The following DHRS1 variants were observed in gnomAD, a reference collection of about 807,000 sequenced individuals.
DHRS1 encodes the protein dehydrogenase/reductase SDR family member 1.
A neutral mutation model predicts 35.2 loss-of-function variants in DHRS1; 34 were observed. The observed-to-expected ratio is 0.97, with a 90% CI of 0.74 to 1.29. The LOEUF is 1.29. Among genes scored for constraint, DHRS1 ranks in the 50% most tolerant of loss-of-function variants. DHRS1 has a pLI of 0.00. For synonymous variants in DHRS1, 133 were observed against 160.0 expected (o/e 0.83, Z 1.27); for missense variants, 354 against 403.6 (o/e 0.88, Z 1.05).
rs764337928 is a variant in DHRS1, at chr14:24,296,519, C to T, written c.364G>A (p.Val122Ile). ...PASMWDDINN[V>I]GLRGHYFCSV... ...CAGTGGAGCACCCACCTGAGTCCGA[C>T]GTTGTTGATATCATCCCACATGGAG... The change falls in exon 4 of 9, where the codon GTC becomes ATC. Residue 122 changes from valine to isoleucine, a missense_variant. Transcript: ENST00000288111. 8.1e-6 allele frequency: 13 copies of T among 1,614,024 alleles called. No individual in the cohort carries two copies. Among genetic ancestry groups the T allele is most frequent in the South Asian group, 2.2e-5 (2 of 91,076 alleles).
rs756643656 is a variant in DHRS1, at chr14:24,299,142, A to C, written c.-24-12T>G. The C allele has an allele frequency of 6.3e-7, 1 of 1,598,402 alleles. No individual in the cohort carries two copies. The highest frequency in any genetic ancestry group is 2.2e-5 in the East Asian group (1 of 44,468). ...CAAAGGAGGCAGGTCTGTGGAAGCAAAGACTTACTCTGAGGGAAGCCTGGA... is the reference window on the plus strand; with the variant it reads ...CAAAGGAGGCAGGTCTGTGGAAGCACAGACTTACTCTGAGGGAAGCCTGGA... On this transcript the variant is annotated splice_polypyrimidine_tract_variant and intron_variant, in intron 1 of 8. Transcript: ENST00000288111.
intron 4 of DHRS1, chr14:24,293,850 T>C (rs1170976020): frequency 6.6e-6 from 1 of 151,988 alleles, no homozygotes; most frequent in Admixed American, 6.6e-5. Flanking sequence ...TAAATTAAAA[T>C]GTACAAGACA....
chr14:24,298,055 T>G (rs560746370), intron 2 of DHRS1, among the ~76,000 whole-genome samples: 1 of 147,248 alleles, frequency 6.8e-6, no homozygotes, highest in Non-Finnish European at 1.5e-5. Flanking sequence ...TTAATTAAAA[T>G]TTTTTTTTTT....
chr14:24,291,501 C>T, intron 7 of DHRS1, 55 bp downstream of exon 7: 1 of 1,562,964 alleles, frequency 6.4e-7, no homozygotes, highest in East Asian at 2.2e-5. Flanking sequence ...CTGGATGCTA[C>T]CGCACTACAC....
chr14:24,292,107 GA>G, intron 6 of DHRS1, 76 bp downstream of exon 6: 1 of 1,564,618 alleles, frequency 6.4e-7, no homozygotes, highest in Non-Finnish European at 8.8e-7. Flanking sequence ...TGGTGAGTGG[GA>G]GTATCTGATC....
rs767390453 is a variant in DHRS1 at position 24,296,848 on chromosome 14, C to A, written c.184G>T (p.Val62Leu). 6 of 1,614,242 alleles carry A rather than the reference C, an allele frequency of 3.7e-6. No individual in the cohort carries two copies. The highest frequency in any genetic ancestry group is 5.1e-6 in the Non-Finnish European group (6 of 1,180,044). The stretch of plus-strand genomic sequence containing the variant: ...TCACTCTCCTGGCTTGAATCGCACA[C>A]CACAGGCACACATTGGCCCCCGAGG... ...QSLGGQCVPV[V>L]CDSSQESEVR... Residue 62 changes from valine (V) to leucine (L), a missense_variant, in exon 3 of 9, where the codon GTG becomes TTG. By Grantham distance (32) the Val-to-Leu change is conservative (BLOSUM62 1). Coordinates refer to ENST00000288111, the MANE Select transcript of DHRS1 (RefSeq NM_001136050.3).
In DHRS1 at chr14:24,290,839, G is replaced by A. The variant is rs771463248; in HGVS notation, c.*20C>T. The A allele has an allele frequency of 5.6e-6, 9 of 1,613,178 alleles. No homozygotes were observed. In the African/African-American group the frequency reaches 9.4e-5, roughly 17 times the overall value. On this transcript the variant is annotated 3_prime_UTR_variant, in exon 9 of 9. Transcript: ENST00000288111. ...TCCAAATGAGAAGACAAGCAGAGAC[G>A]TAGTGTCAGACCAGGAGGGTTAGAA...
At chr14:24,296,951 A>C in intron 2 of DHRS1, 70 bp from the exon 3 acceptor site, 1 of 1,603,524 alleles carries the variant, frequency 6.2e-7, no homozygotes, top group Non-Finnish European at 8.5e-7. Flanking sequence ...CTCCCCAACC[A>C]AAGTGGGCTT....
intron 1 of DHRS1, 83 bp downstream of exon 1, chr14:24,299,498 C>T: frequency 4.7e-6 from 1 of 213,426 alleles, no homozygotes; most frequent in Non-Finnish European, 9.3e-6. Flanking sequence ...TCCGGCTGAG[C>T]CAGAGGCGCA....
Position 24,291,149 on chromosome 14 carries a change from C to T in DHRS1, c.795G>A (p.Arg265=). 1.9e-6 allele frequency: 3 copies of T among 1,614,148 alleles called. No homozygotes were observed. Among genetic ancestry groups the T allele is most frequent in the Non-Finnish European group, 2.5e-6 (3 of 1,180,028 alleles). The change falls in exon 8 of 9, where the codon CGG becomes CGA. Residue 265 remains arginine, a synonymous_variant. Coordinates refer to ENST00000288111, the MANE Select transcript of DHRS1 (RefSeq NM_001136050.3). ...SCDLARRYGL[R]DVDGRPVQDY... ...TGCCAGGGTCCTCACCGTCCACATCCCGAAGGCCATAGCGTCGAGCAAGGT... is the reference window on the plus strand; with the variant it reads ...TGCCAGGGTCCTCACCGTCCACATCTCGAAGGCCATAGCGTCGAGCAAGGT...
Position 24,290,609 on chromosome 14 carries a change from A to G in DHRS1, c.*250T>C. On this transcript the variant is annotated 3_prime_UTR_variant, in exon 9 of 9. Coordinates refer to ENST00000288111, the MANE Select transcript of DHRS1 (RefSeq NM_001136050.3). ...CAGTCAAAAACACATTGAAAGAGAA[A>G]TGAGACTTTTATTAGCTCCAAGAGC... is the stretch of plus-strand genomic sequence containing the variant. 2.2e-6 allele frequency: 1 copy of G among 456,984 alleles called. No individual in the cohort carries two copies. The highest frequency in any genetic ancestry group is 3.9e-6 in the Non-Finnish European group (1 of 253,910). The allele number at this position is 456,984 out of a possible 1,614,324, so 28.3% of individuals were successfully genotyped here.
intron 5 of DHRS1, 134 bp downstream of exon 5, chr14:24,292,518 G>T: frequency 6.5e-7 from 1 of 1,533,744 alleles, no homozygotes; most frequent in Non-Finnish European, 8.9e-7. Flanking sequence ...CAAAGGAACT[G>T]TCCATGGATG....
At chr14:24,296,387 G>A in intron 4 of DHRS1, 122 bp downstream of exon 4, 1 of 929,102 alleles carries the variant, frequency 1.1e-6, no homozygotes, top group Admixed American at 2.0e-5. Context: ...AAATGGAATG[G>A]AAGGGAGAAG....
chr14:24,292,140 C>G, intron 6 of DHRS1, 44 bp downstream of exon 6: 1 of 1,611,858 alleles, frequency 6.2e-7, no homozygotes, highest in Non-Finnish European at 8.5e-7. Flanking sequence ...GATGCAGAGG[C>G]CGACTCCCCT....
At chr14:24,293,526 ATTGT>A (rs1305826584) in intron 4 of DHRS1, 1 of 152,166 alleles carries the variant, frequency 6.6e-6, no homozygotes, top group Non-Finnish European at 1.5e-5. Flanking sequence ...GTAAGCTGAG[ATTGT>A]GCCACTGCAC....
rs67238064 is a variant in DHRS1 at position 24,299,741 on chromosome 14, AG to A, written c.-186del. ...TGCTGAGGTAGAGGGGCAGAGTCCC[AG>A]GCCAAAGTTAGAACCTGCGGATGGG... is the stretch of plus-strand genomic sequence containing the variant. On this transcript the variant is annotated 5_prime_UTR_variant, in exon 1 of 9. Coordinates refer to ENST00000288111, the MANE Select transcript of DHRS1 (RefSeq NM_001136050.3). The A allele has an allele frequency of 0.43, 240,279 of 561,118 alleles. 56,111 individuals carry two copies. The highest frequency in any genetic ancestry group is 0.53 in the Middle Eastern group (1,097 of 2,068). The allele number at this position is 561,118 out of a possible 1,614,324, so 34.8% of individuals were successfully genotyped here.
In DHRS1 at chr14:24,296,518, AC is replaced by A. The variant is rs1201164571; in HGVS notation, c.364del (p.Val122SerfsTer16). On this transcript the variant is annotated frameshift_variant, in exon 4 of 9. Transcript: ENST00000288111. LOFTEE classifies it high-confidence loss of function. ...GCAGTGGAGCACCCACCTGAGTCCGACGTTGTTGATATCATCCCACATGGAG... is the reference window on the plus strand; with the variant it reads ...GCAGTGGAGCACCCACCTGAGTCCGAGTTGTTGATATCATCCCACATGGAG... ...PASMWDDINNVGLRGHYFCSV... is the reference protein window; with the variant it reads ...PASMWDDINNXGLRGHYFCSV... 1.2e-6 allele frequency: 2 copies of A among 1,614,050 alleles called. No individual in the cohort carries two copies. The highest frequency in any genetic ancestry group is 2.2e-5 in the South Asian group (2 of 91,086).
chr14:24,295,373 G>T (rs1262626968), intron 4 of DHRS1, among the ~76,000 whole-genome samples: 1 of 152,170 alleles, frequency 6.6e-6, no homozygotes, highest in Non-Finnish European at 1.5e-5. Flanking sequence ...TTTGCATAGG[G>T]AAAGAATTAG....
chr14:24,292,245 G>A lies in DHRS1; in HGVS notation c.593C>T (p.Thr198Ile). 6.2e-7 allele frequency: 1 copy of A among 1,614,080 alleles called. No individual in the cohort carries two copies. Among genetic ancestry groups the A allele is most frequent in the Non-Finnish European group, 8.5e-7 (1 of 1,180,018 alleles). ...CVSLWPGIVQ[T>I]ELLKEHMAKE... ...TGCCATATGCTCCTTCAGCAGTTCT[G>A]TCTGCACAATCCCCGGCCACAGAGA... The change falls in exon 6 of 9, where the codon ACA (threonine) becomes ATA (isoleucine). Residue 198 changes from threonine to isoleucine, a missense_variant. Transcript: ENST00000288111.
Sources: gnomAD v4.1 joint callset for allele counts (sites outside exome capture counted in the v4.1 genomes callset) on GRCh38, gnomAD v4.1.1 for gene constraint, MANE v1.5 for transcripts, NCBI Gene and HGNC (gene_info 2026-07-23, HGNC 2026-07-21) for gene names.